Variants in ORC5 observed in about 807,000 individuals in gnomAD.
ORC5 encodes the protein protein phosphatase 1, regulatory subunit 117.
ORC5 carries 39 observed loss-of-function variants against 58.8 expected under a neutral mutation model. The ratio of observed to expected loss-of-function variants is 0.66; its 90% confidence interval spans 0.51 to 0.87. The LOEUF is 0.87. ORC5 is among the 40% of genes least tolerant of loss of function. The probability of loss-of-function intolerance (pLI) is 0.00; values close to 1 mark genes in which losing one functional copy is unlikely to be tolerated. For synonymous variants in ORC5, 218 were observed against 177.6 expected, an observed-to-expected ratio of 1.23 and a Z score of -1.81; for missense variants, 493 against 506.3, an observed-to-expected ratio of 0.97 and a Z score of 0.25.
At chr7:104,206,546 A>G (rs58132094) in intron 1 of ORC5, among the ~76,000 whole-genome samples, 1 of 152,214 alleles carries the variant, frequency 6.6e-6, no homozygotes, top group African/African-American at 2.4e-5. Flanking sequence ...TATAACTATA[A>G]TTGAAAGCAG....
Position 104,185,480 on chromosome 7 carries a change from T to TCTG in ORC5, c.685-1312_685-1310dup, listed in dbSNP as rs200751444. Among the ~76,000 whole-genome samples, 1,133 of 152,222 alleles carry TCTG rather than the reference T, an allele frequency of 7.4e-3. 10 individuals are homozygous for TCTG. The highest frequency in any genetic ancestry group is 0.026 in the African/African-American group (1,072 of 41,538). Reference sequence around the variant, plus strand: ...AATAATTAACTGTTGTTTTCTAAGGTCTGAACATTCTCATAAACTAAACAT... The same window carrying TCTG: ...AATAATTAACTGTTGTTTTCTAAGGTCTGCTGAACATTCTCATAAACTAAACAT... On this transcript the variant is annotated intron_variant, in intron 6 of 13. Coordinates refer to ENST00000297431, the MANE Select transcript of ORC5 (RefSeq NM_002553.4).
intron 5 of ORC5, among the ~76,000 whole-genome samples, chr7:104,193,023 A>G (rs1015105950): frequency 2.6e-5 from 4 of 152,076 alleles, no homozygotes; most frequent in Non-Finnish European, 4.4e-5. Flanking sequence ...CCCACACAAA[A>G]AAGATAGAGA....
At position 104,166,795 on chromosome 7, in the gene ORC5, T is replaced by C. The variant is rs777545998; in HGVS notation, c.967A>G (p.Thr323Ala). The C allele has an allele frequency of 1.9e-6, 3 of 1,602,218 alleles. No homozygotes were observed. The East Asian group carries it at 6.7e-5, about 36-fold the overall frequency. ...AYLASYNPAR[T>A]DKRFFLKHHG... is the part of the protein sequence containing the mutation. ...ACCTTAAGAAAAAACCTCTTGTCAG[T>C]TCTTGCTGGATTGTATGAAGCAAGG... The change falls in exon 10 of 14, where the codon ACT becomes GCT. Residue 323 changes from threonine (T) to alanine (A), a missense_variant. Physicochemically the swap from Thr to Ala is moderately conservative, Grantham distance 58 (BLOSUM62 0). Transcript: ENST00000297431.
At chr7:104,163,479 GT>G (rs1799057612) in intron 11 of ORC5, among the ~76,000 whole-genome samples, 1 of 152,028 alleles carries the variant, frequency 6.6e-6, no homozygotes, top group African/African-American at 2.4e-5. Flanking sequence ...GGTTTGGGGG[GT>G]TTTGTTTTGT....
At chr7:104,204,622 C>T (rs1299354650) in intron 1 of ORC5, among the ~76,000 whole-genome samples, 3 of 152,126 alleles carry the variant, frequency 2.0e-5, no homozygotes, top group African/African-American at 4.8e-5. Context: ...TGCGATGCCA[C>T]AACTTCACTA....
At chr7:104,128,018 G>A (rs540642338) in intron 13 of ORC5, among the ~76,000 whole-genome samples, 28 of 152,226 alleles carry the variant, frequency 1.8e-4, no homozygotes, top group Non-Finnish European at 2.6e-4. Context: ...GCATAAAGAC[G>A]CAAAAAGTAT....
intron 12 of ORC5, among the ~76,000 whole-genome samples, chr7:104,160,515 T>C (rs1334623761): frequency 6.6e-6 from 1 of 152,176 alleles, no homozygotes; most frequent in East Asian, 1.9e-4. Context: ...ATAATTTGTT[T>C]TTTCTTAAAA....
At chr7:104,142,594 A>AT (rs1387383525) in intron 12 of ORC5, among the ~76,000 whole-genome samples, 2 of 152,228 alleles carry the variant, frequency 1.3e-5, no homozygotes, top group Non-Finnish European at 2.9e-5. Flanking sequence ...ATCAAACTGC[A>AT]TTTTGTTTAA....
chr7:104,177,562 T>C (rs1310016235), intron 8 of ORC5, among the ~76,000 whole-genome samples: 2 of 152,196 alleles, frequency 1.3e-5, no homozygotes, highest in African/African-American at 4.8e-5. Context: ...ATGAGAATTA[T>C]TGTTTTTTTA....
chr7:104,182,069 A>G (rs1312006444), intron 8 of ORC5, among the ~76,000 whole-genome samples: 2 of 152,186 alleles, frequency 1.3e-5, no homozygotes, highest in African/African-American at 2.4e-5. Flanking sequence ...TGTAGCCTAG[A>G]CTAGATTCTA....
intron 4 of ORC5, 84 bp downstream of exon 4, chr7:104,197,641 C>A: frequency 1.3e-6 from 1 of 780,932 alleles, no homozygotes; most frequent in Non-Finnish European, 2.1e-6. Context: ...TAATTCTCAC[C>A]TATCAAATAG....
intron 12 of ORC5, among the ~76,000 whole-genome samples, chr7:104,155,289 T>G (rs945854500): frequency 6.6e-6 from 1 of 151,752 alleles, no homozygotes; most frequent in Non-Finnish European, 1.5e-5. Context: ...AAAATGTTTA[T>G]GTTCTTATAA....
intron 6 of ORC5, among the ~76,000 whole-genome samples, chr7:104,186,136 T>C (rs1799537996): frequency 6.6e-6 from 1 of 152,068 alleles, no homozygotes; most frequent in Non-Finnish European, 1.5e-5. Context: ...TGGTACACAA[T>C]TTGGCTAATC....
At chr7:104,152,093 C>T (rs1169686551) in intron 12 of ORC5, among the ~76,000 whole-genome samples, 1 of 152,182 alleles carries the variant, frequency 6.6e-6, no homozygotes. Flanking sequence ...GGAATCAAGA[C>T]AATTTCTTAC....
intron 8 of ORC5, among the ~76,000 whole-genome samples, chr7:104,179,630 C>G (rs2115948916): frequency 6.6e-6 from 1 of 150,612 alleles, no homozygotes; most frequent in South Asian, 2.1e-4. Context: ...TAGCCATCTT[C>G]TAAACTGCAG....
At chr7:104,156,378 T>C (rs1481780474) in intron 12 of ORC5, among the ~76,000 whole-genome samples, 2 of 151,848 alleles carry the variant, frequency 1.3e-5, no homozygotes, top group African/African-American at 4.8e-5. Context: ...TAAAATTCAA[T>C]AGAGAATGAA....
chr7:104,135,847 A>G (rs548505213), intron 13 of ORC5, among the ~76,000 whole-genome samples: 9 of 152,268 alleles, frequency 5.9e-5, no homozygotes, highest in Admixed American at 5.9e-4. Context: ...GGGTGCTAAA[A>G]TGGAATCTTC....
chr7:104,161,085 T>C lies in ORC5; in HGVS notation c.1136A>G (p.Asn379Ser), dbSNP rs200169609. 2.0e-4 allele frequency: 310 copies of C among 1,556,684 alleles called. No homozygotes were observed. Among genetic ancestry groups the C allele is most frequent in the Admixed American group, 3.3e-4 (20 of 59,774 alleles). The change falls in exon 12 of 14, where the codon AAT becomes AGT. Residue 379 changes from asparagine to serine, a missense_variant. Coordinates refer to ENST00000297431, the MANE Select transcript of ORC5 (RefSeq NM_002553.4). ...GATTAAGCTTACCTGGGAAAAAATA[T>C]TTGCTGTTGGAGCAACTCTGCTGTC... ...IVDSRVAPTA[N>S]IFSQITSLVT...
Position 104,195,154 on chromosome 7 carries a change from T to C in ORC5, c.542A>G (p.Asp181Gly), listed in dbSNP as rs1799769543. ...GTTTTAAGGTTTACCTATGCTGTAA[T>C]CAGGGAAATATAAGACAAACGGCTC... ...CFEPFVLYFP[D>G]YSIGNLQKIL... Residue 181 changes from aspartate (D) to glycine (G), a missense_variant, in exon 5 of 14, where the codon GAT (aspartate) becomes GGT (glycine). Transcript: ENST00000297431. 8.4e-6 allele frequency: 13 copies of C among 1,544,894 alleles called. No individual in the cohort carries two copies. Among genetic ancestry groups the C allele is most frequent in the Non-Finnish European group, 9.6e-6 (11 of 1,145,022 alleles).
Sources: gnomAD v4.1 joint callset for allele counts (sites outside exome capture counted in the v4.1 genomes callset) on GRCh38, gnomAD v4.1.1 for gene constraint, MANE v1.5 for transcripts, NCBI Gene and HGNC (gene_info 2026-07-23, HGNC 2026-07-21) for gene names.